Variants in GLYATL2 observed in about 807,000 individuals in gnomAD.
GLYATL2 encodes the protein glycine N-acyltransferase-like protein 2.
A neutral mutation model predicts 21.4 loss-of-function variants in GLYATL2; 25 were observed. That is an observed-to-expected ratio of 1.17 (90% CI 0.85 to 1.63). The LOEUF is 1.63. Ranked by LOEUF, GLYATL2 falls within the 40% of genes most tolerant of loss-of-function variation. The pLI, the probability that GLYATL2 is intolerant of heterozygous loss-of-function variation, is 0.00. For missense variants in GLYATL2, 361 were observed against 343.3 expected, an observed-to-expected ratio of 1.05 and a Z score of -0.41; for synonymous variants, 114 against 118.2, an observed-to-expected ratio of 0.96 and a Z score of 0.23.
intron 1 of GLYATL2, among the ~76,000 whole-genome samples, chr11:58,854,808 C>T (rs1034525585): frequency 3.6e-4 from 55 of 152,274 alleles, no homozygotes; most frequent in African/African-American, 1.2e-3. Context: ...ATTAGAAATC[C>T]TTTGTTATCA....
Position 58,861,032 on chromosome 11 carries a change from T to A in GLYATL2, n.61-22664A>T, listed in dbSNP as rs538837283. On this transcript the variant is annotated intron_variant and non_coding_transcript_variant, in intron 1 of 4. Transcript: ENST00000533636. ...TATTTTATTGATGCACCTATGTTCA[T>A]CAGTGCTATTGCCTATTATTTTCAT... Among the ~76,000 whole-genome samples, 5 of 152,220 alleles carry A rather than the reference T, an allele frequency of 3.3e-5. No individual in the cohort carries two copies. In the South Asian group the frequency reaches 6.2e-4, roughly 19 times the overall value.
At chr11:58,837,594 TAA>T (rs1461841706) in intron 3 of GLYATL2, among the ~76,000 whole-genome samples, 197 bp from the exon 4 acceptor site, 1 of 152,218 alleles carries the variant, frequency 6.6e-6, no homozygotes, top group African/African-American at 2.4e-5. Flanking sequence ...TTTAGGGCAC[TAA>T]AGTGAGCTGC....
intron 1 of GLYATL2, among the ~76,000 whole-genome samples, chr11:58,874,860 C>G (rs1311211485): frequency 1.3e-5 from 2 of 152,088 alleles, no homozygotes; most frequent in Admixed American, 1.3e-4. Context: ...CTTTCTGTCT[C>G]GTTGATCTGT....
chr11:58,878,564 C>A (rs493580), intron 1 of GLYATL2, among the ~76,000 whole-genome samples: 1 of 152,104 alleles, frequency 6.6e-6, no homozygotes, highest in Non-Finnish European at 1.5e-5. Context: ...TAACAGCTGA[C>A]TGGGTCAGAA....
intron 1 of GLYATL2, among the ~76,000 whole-genome samples, chr11:58,863,480 G>A (rs1326390095): frequency 1.3e-5 from 2 of 152,170 alleles, no homozygotes; most frequent in Non-Finnish European, 2.9e-5. Flanking sequence ...CCTAGCATCA[G>A]GATCTACTGA....
upstream of GLYATL2, chr11:58,905,340 G>A: frequency 4.9e-6 from 2 of 404,206 alleles, no homozygotes; most frequent in South Asian, 3.6e-5. Context: ...TGGAAGCTGG[G>A]CCTCTGCATC....
upstream of GLYATL2, chr11:58,905,798 A>G (rs975951069): frequency 1.0e-5 from 4 of 384,738 alleles, no homozygotes; most frequent in Non-Finnish European, 2.1e-5. Flanking sequence ...CCCGCCCGCG[A>G]GCGCGTGCGC....
intron 1 of GLYATL2, among the ~76,000 whole-genome samples, chr11:58,840,449 C>T (rs1005781729): frequency 6.6e-6 from 1 of 152,014 alleles, no homozygotes; most frequent in African/African-American, 2.4e-5. Flanking sequence ...GATTACCAGG[C>T]AACTATCAAA....
chr11:58,837,600 G>A (rs561872133), intron 3 of GLYATL2, among the ~76,000 whole-genome samples: 2 of 152,204 alleles, frequency 1.3e-5, no homozygotes, highest in Non-Finnish European at 2.9e-5. Context: ...GCACTAAAGT[G>A]AGCTGCCCTT....
chr11:58,903,199 G>A lies in GLYATL2; in HGVS notation n.60+957C>T, dbSNP rs796222138. 2.0e-5 allele frequency among the ~76,000 whole-genome samples: 3 copies of A among 152,190 alleles called. No homozygotes were observed. In the East Asian group the frequency reaches 5.8e-4, roughly 29 times the overall value. On this transcript the variant is annotated intron_variant and non_coding_transcript_variant, in intron 1 of 4. Coordinates refer to the GLYATL2 transcript ENST00000533636. ...GGAGCAGGGAAGCTCTGGAATTGGT[G>A]TACAGCAGTGCTGCTTGGAGTACCA...
intron 1 of GLYATL2, among the ~76,000 whole-genome samples, chr11:58,874,711 A>G (rs998186436): frequency 2.0e-5 from 3 of 152,210 alleles, no homozygotes; most frequent in African/African-American, 7.2e-5. Flanking sequence ...ACTTCCAACT[A>G]TGTGGTCAAT....
intron 1 of GLYATL2, chr11:58,885,459 A>G (rs1565105733): frequency 7.9e-6 from 4 of 508,676 alleles, no homozygotes; most frequent in South Asian, 2.9e-5. Context: ...TATCACATCA[A>G]TCATAGGAAC....
intron 1 of GLYATL2, among the ~76,000 whole-genome samples, chr11:58,852,259 A>T (rs1853755444): frequency 6.6e-6 from 1 of 152,142 alleles, no homozygotes; most frequent in Non-Finnish European, 1.5e-5. Flanking sequence ...AGGGGCTATT[A>T]GATACCCAAC....
chr11:58,876,586 G>C (rs767789463), intron 1 of GLYATL2, among the ~76,000 whole-genome samples: 3 of 152,210 alleles, frequency 2.0e-5, no homozygotes, highest in Non-Finnish European at 2.9e-5. Context: ...TATCAGCAGT[G>C]GTGGCTGCAG....
At chr11:58,858,298 T>C (rs1853868367) in intron 1 of GLYATL2, among the ~76,000 whole-genome samples, 1 of 152,216 alleles carries the variant, frequency 6.6e-6, no homozygotes, top group South Asian at 2.1e-4. Context: ...TCTTGCCCTG[T>C]GTTTATTCTT....
chr11:58,890,093 G>A (rs779468525), intron 1 of GLYATL2, among the ~76,000 whole-genome samples: 1 of 151,848 alleles, frequency 6.6e-6, no homozygotes, highest in Non-Finnish European at 1.5e-5. Context: ...TTCTAACCCA[G>A]CCCCTTTCCC....
chr11:58,907,102 A>G (rs1032921346), upstream of GLYATL2: 13 of 333,794 alleles, frequency 3.9e-5, no homozygotes, highest in Non-Finnish European at 7.2e-5. Flanking sequence ...AAGTTACACC[A>G]TAATAGTTTT....
At chr11:58,896,583 A>G (rs922457286) in intron 1 of GLYATL2, among the ~76,000 whole-genome samples, 6 of 152,200 alleles carry the variant, frequency 3.9e-5, no homozygotes, top group South Asian at 2.1e-4. Flanking sequence ...CTTTAGCCTG[A>G]TGAATGCCAC....
chr11:58,838,152 C>T, intron 3 of GLYATL2, 109 bp downstream of exon 3: 1 of 697,962 alleles, frequency 1.4e-6, no homozygotes, highest in Non-Finnish European at 2.5e-6. Flanking sequence ...CTGCATACAT[C>T]AACAGTGTCA....
Sources: allele counts gnomAD v4.1 joint callset (sites outside exome capture counted in the v4.1 genomes callset), GRCh38; gene constraint gnomAD v4.1.1; transcripts MANE v1.5; gene names NCBI Gene and HGNC (gene_info 2026-07-23, HGNC 2026-07-21).